Variants in TNFRSF8 observed in about 807,000 individuals in gnomAD.
TNFRSF8 encodes the protein TNF receptor superfamily member 8.
TNFRSF8 carries 26 observed loss-of-function variants against 70.8 expected under a neutral mutation model. That is an observed-to-expected ratio of 0.37 (90% confidence interval 0.27 to 0.51). TNFRSF8 has a LOEUF of 0.51. TNFRSF8 is among the 20% of genes least tolerant of loss of function. The pLI is 0.94. For synonymous variants in TNFRSF8, 356 were observed against 339.2 expected, an observed-to-expected ratio of 1.05 and a Z score of -0.54; for missense variants, 720 against 807.9, an observed-to-expected ratio of 0.89 and a Z score of 1.32.
chr1:12,070,673 G>A (rs1485021871), intron 1 of TNFRSF8, among the ~76,000 whole-genome samples: 2 of 152,190 alleles, frequency 1.3e-5, no homozygotes, highest in Non-Finnish European at 2.9e-5. Context: ...TGGGTCTGGT[G>A]GGAGCGCAGA....
At chr1:12,131,573 C>T (rs1239087132) in intron 12 of TNFRSF8, among the ~76,000 whole-genome samples, 2 of 152,140 alleles carry the variant, frequency 1.3e-5, no homozygotes, top group Non-Finnish European at 1.5e-5. Context: ...AATCATGGCT[C>T]ACTGCAGCCT....
chr1:12,110,607 CT>C lies in TNFRSF8; in HGVS notation c.676+411del, dbSNP rs1310853066. 6.6e-6 allele frequency among the ~76,000 whole-genome samples: 1 copy of C among 151,820 alleles called. No homozygotes were observed. The highest frequency in any genetic ancestry group is 2.4e-5 in the African/African-American group (1 of 41,364). ...TCGACCCTCAGTCATTTTTCTTTTT[CT>C]TTTTTTTGAGACGGAGTTTCGCTCA... On this transcript the variant is annotated intron_variant, in intron 6 of 14. Coordinates refer to ENST00000263932, the MANE Select transcript of TNFRSF8 (RefSeq NM_001243.5). This position sits in a 1 kb window ranked among gnomAD's most constrained non-coding sequence, Gnocchi z 4.0.
rs1255846496 is a variant in TNFRSF8, at chr1:12,088,873, C to T, written c.151+4322C>T. On this transcript the variant is annotated intron_variant, in intron 2 of 14. Coordinates refer to ENST00000263932, the MANE Select transcript of TNFRSF8 (RefSeq NM_001243.5). The surrounding 1 kb of genome is among the most constrained non-coding windows in gnomAD (Gnocchi z 4.0). ...TTTGGCATGACAGCTGCTGCCCCTG[C>T]CGCCTCCCCCTCCCCCGCCCAGTCC... Among the ~76,000 whole-genome samples the T allele has an allele frequency of 6.6e-6, 1 of 152,160 alleles. No individual in the cohort carries two copies. The highest frequency in any genetic ancestry group is 1.5e-5 in the Non-Finnish European group (1 of 68,006).
chr1:12,069,170 C>CTTT (rs57009728), intron 1 of TNFRSF8, among the ~76,000 whole-genome samples: 2 of 53,548 alleles, frequency 3.7e-5, no homozygotes, highest in Non-Finnish European at 6.4e-5. Flanking sequence ...TGCACCCGGC[C>CTTT]TTTTTTTTTT....
intron 1 of TNFRSF8, among the ~76,000 whole-genome samples, chr1:12,082,233 T>C (rs1318410383): frequency 1.3e-5 from 2 of 152,038 alleles, no homozygotes; most frequent in Non-Finnish European, 1.5e-5. Context: ...TTGAAACACA[T>C]GGGGGGCTTG....
Position 12,112,824 on chromosome 1 carries a change from G to A in TNFRSF8, c.793+810G>A, listed in dbSNP as rs2101008781. ...CACCCCGAGGGGCATGTGGGCAGGG[G>A]GTGTTGCTCAGGCCACAGGCTGCTG... is the stretch of plus-strand genomic sequence containing the variant. On this transcript the variant is annotated intron_variant, in intron 7 of 14. Transcript: ENST00000263932. This position sits in a 1 kb window ranked among gnomAD's most constrained non-coding sequence, Gnocchi z 5.3. Among the ~76,000 whole-genome samples, 1 of 152,312 alleles carries A rather than the reference G, an allele frequency of 6.6e-6. No individual in the cohort carries two copies. Among genetic ancestry groups the A allele is most frequent in the South Asian group, 2.1e-4 (1 of 4,828 alleles).
rs912002751 is a variant in TNFRSF8, at chr1:12,109,052, C to T, written c.422-514C>T. ...TCAGGCATGGCTGGATCCAGGGCTC[C>T]ATCTTGCCCCATCTCTCACCTCTAT... On this transcript the variant is annotated intron_variant, in intron 4 of 14. Transcript: ENST00000263932. This position sits in a 1 kb window ranked among gnomAD's most constrained non-coding sequence, Gnocchi z 4.4. Among the ~76,000 whole-genome samples, 3 of 152,218 alleles carry T rather than the reference C, an allele frequency of 2.0e-5. No homozygotes were observed. Among genetic ancestry groups the T allele is most frequent in the African/African-American group, 4.8e-5 (2 of 41,456 alleles).
intron 3 of TNFRSF8, among the ~76,000 whole-genome samples, chr1:12,097,668 C>T (rs1011998921): frequency 1.3e-5 from 2 of 151,284 alleles, no homozygotes; most frequent in South Asian, 2.1e-4. Context: ...TTCAGTATGA[C>T]CTTTTATTGT....
chr1:12,134,227 G>A (rs921309544), intron 12 of TNFRSF8, among the ~76,000 whole-genome samples: 7 of 152,158 alleles, frequency 4.6e-5, no homozygotes, highest in African/African-American at 9.7e-5. Context: ...TGCAGGAGGC[G>A]GCGTGGCTGA....
chr1:12,104,253 G>A (rs1470716292), intron 3 of TNFRSF8, 126 bp from the exon 4 acceptor site: 1 of 951,984 alleles, frequency 1.1e-6, no homozygotes, highest in Non-Finnish European at 1.6e-6. Flanking sequence ...TGGTCACCAG[G>A]GGGTTGAGCT....
intron 3 of TNFRSF8, among the ~76,000 whole-genome samples, chr1:12,099,353 C>T (rs915294688): frequency 1.3e-5 from 2 of 152,040 alleles, no homozygotes; most frequent in Non-Finnish European, 2.9e-5. Context: ...TCATGTTGCC[C>T]AGGCTGGTCT....
Position 12,063,612 on chromosome 1 carries a change from T to C in TNFRSF8, c.14T>C (p.Leu5Pro), listed in dbSNP as rs1399791987. 3.1e-6 allele frequency: 4 copies of C among 1,306,906 alleles called. No individual in the cohort carries two copies. The highest frequency in any genetic ancestry group is 2.9e-6 in the Non-Finnish European group (3 of 1,018,904). The allele number at this position is 1,306,906 out of a possible 1,614,324, so 81.0% of individuals were successfully genotyped here. A position where few individuals can be genotyped will look rare whatever the true frequency, so the allele number is the denominator to read the frequency against. The change falls in exon 1 of 15, where the codon CTC (leucine) becomes CCC (proline). Residue 5 changes from leucine to proline, a missense_variant. Coordinates refer to ENST00000263932, the MANE Select transcript of TNFRSF8 (RefSeq NM_001243.5). The surrounding 1 kb of genome is among the most constrained non-coding windows in gnomAD (Gnocchi z 7.2). ...CCGGCCCCGGGGATGCGCGTCCTCC[T>C]CGCCGCGCTGGGACTGCTGTTCCTG... is the stretch of plus-strand genomic sequence containing the variant. MRVL[L>P]AALGLLFLGA...
intron 10 of TNFRSF8, among the ~76,000 whole-genome samples, chr1:12,124,527 CAG>C (rs1405890534): frequency 4.6e-5 from 7 of 152,124 alleles, no homozygotes; most frequent in Non-Finnish European, 4.4e-5. Context: ...CGGCCTCTGT[CAG>C]AGTTAGCTCT....
In TNFRSF8 at chr1:12,138,267, G is replaced by T. The variant is rs745517443; in HGVS notation, c.1374G>T (p.Ala458=). The change falls in exon 14 of 15, where the codon GCG becomes GCT. Residue 458 remains alanine, a synonymous_variant. Transcript: ENST00000263932. The surrounding 1 kb of genome is among the most constrained non-coding windows in gnomAD (Gnocchi z 5.7). ...RSGASVTEPV[A]EERGLMSQPL... ...GTGCGTCGGTGACAGAACCCGTCGC[G>T]GAAGAGCGAGGGTTAATGAGCCAGC... The T allele has an allele frequency of 6.2e-7, 1 of 1,613,548 alleles. No individual in the cohort carries two copies. The highest frequency in any genetic ancestry group is 8.5e-7 in the Non-Finnish European group (1 of 1,179,910).
chr1:12,139,098 C>T (rs1642208662), intron 14 of TNFRSF8, among the ~76,000 whole-genome samples: 1 of 152,216 alleles, frequency 6.6e-6, no homozygotes, highest in Admixed American at 6.5e-5. Flanking sequence ...TCCCTGCCTC[C>T]TCTCTTGCTT....
intron 3 of TNFRSF8, among the ~76,000 whole-genome samples, chr1:12,102,913 T>A (rs1641449820): frequency 6.6e-6 from 1 of 152,044 alleles, no homozygotes; most frequent in Non-Finnish European, 1.5e-5. Flanking sequence ...TTGATTCGAG[T>A]CATTCTAGTG....
chr1:12,114,127 G>A (rs1208856705), intron 7 of TNFRSF8, among the ~76,000 whole-genome samples: 3 of 152,140 alleles, frequency 2.0e-5, no homozygotes, highest in Admixed American at 6.5e-5. Flanking sequence ...TCTAGAACCC[G>A]AGTGCCGGGT....
chr1:12,137,824 G>T (rs1272188586), intron 13 of TNFRSF8, among the ~76,000 whole-genome samples: 1 of 151,808 alleles, frequency 6.6e-6, no homozygotes, highest in Non-Finnish European at 1.5e-5. Flanking sequence ...CAGATGCCAG[G>T]GTTCAAATCC....
intron 1 of TNFRSF8, among the ~76,000 whole-genome samples, chr1:12,074,874 G>T (rs115440812): frequency 6.6e-6 from 1 of 151,562 alleles, no homozygotes; most frequent in Non-Finnish European, 1.5e-5. Flanking sequence ...CTGTAACCTC[G>T]AATTCTTGGG....
Sources: gnomAD v4.1 joint callset for allele counts (sites outside exome capture counted in the v4.1 genomes callset) on GRCh38, gnomAD v4.1.1 for gene constraint, Gnocchi (gnomAD v3.1) non-coding constraint, MANE v1.5 for transcripts, NCBI Gene and HGNC (gene_info 2026-07-23, HGNC 2026-07-21) for gene names.